The following DCC variants were observed in gnomAD, a reference collection of about 807,000 sequenced individuals.
DCC encodes netrin receptor DCC.
DCC carries 58 observed loss-of-function variants against 172.5 expected under a neutral mutation model. The observed-to-expected ratio is 0.34, with a 90% confidence interval of 0.27 to 0.42. The LOEUF (loss-of-function observed/expected upper bound fraction) is 0.42, where lower values mean the gene tolerates loss of function less well. Among genes scored for constraint, DCC ranks in the 10% least tolerant of loss-of-function variants. The probability of loss-of-function intolerance (pLI) is 1.00; values close to 1 mark genes in which losing one functional copy is unlikely to be tolerated. For synonymous variants in DCC, 709 were observed against 644.5 expected, an observed-to-expected ratio of 1.10 and a Z score of -1.52; for missense variants, 1,740 against 1,791.0, an observed-to-expected ratio of 0.97 and a Z score of 0.51.
At chr18:53,304,524 C>T (rs564043347) in intron 12 of DCC, among the ~76,000 whole-genome samples, 1 of 152,248 alleles carries the variant, frequency 6.6e-6, no homozygotes, top group East Asian at 1.9e-4. Flanking sequence ...TTGCCTACAT[C>T]CCTGTTCTCT....
chr18:53,181,887 G>A (rs576178903), intron 9 of DCC, among the ~76,000 whole-genome samples: 1 of 152,306 alleles, frequency 6.6e-6, no homozygotes, highest in South Asian at 2.1e-4. Context: ...CCCATGACCT[G>A]TGATGGCTGC....
Position 52,614,535 on chromosome 18 carries a change from C to T in DCC, c.92-137519C>T, listed in dbSNP as rs540289240. On this transcript the variant is annotated intron_variant, in intron 1 of 28. Transcript: ENST00000442544. ...GTGACAGTGTTGACGGCTACACCAA[C>T]GATTTGTCTAAGATACGCATTTTAT... 1.9e-3 allele frequency among the ~76,000 whole-genome samples: 287 copies of T among 152,236 alleles called. 1 individual carries two copies. The highest frequency in any genetic ancestry group is 6.6e-3 in the African/African-American group (274 of 41,530).
chr18:53,313,335 T>A (rs2057305434), intron 13 of DCC, among the ~76,000 whole-genome samples: 1 of 152,090 alleles, frequency 6.6e-6, no homozygotes. Flanking sequence ...AACCTCCGCG[T>A]CTCGGGTACA....
intron 1 of DCC, among the ~76,000 whole-genome samples, chr18:52,658,228 T>C (rs1256253918): frequency 6.6e-6 from 1 of 152,220 alleles, no homozygotes; most frequent in African/African-American, 2.4e-5. Flanking sequence ...ACACCAGTTA[T>C]ATGTTCAGCC....
At position 52,340,557 on chromosome 18, in the gene DCC, T is replaced by A; in HGVS notation, c.-231T>A. On this transcript the variant is annotated 5_prime_UTR_variant, in exon 1 of 29. Transcript: ENST00000442544. Reference sequence around the variant, plus strand: ...CGGGATCTCTTGGACCGAATGGAACTTTTTGCTGCCTGCTTTTGCTGCTGA... The same window carrying A: ...CGGGATCTCTTGGACCGAATGGAACATTTTGCTGCCTGCTTTTGCTGCTGA... The A allele has an allele frequency of 1.6e-6, 1 of 609,096 alleles. No homozygotes were observed. The highest frequency in any genetic ancestry group is 2.8e-5 in the East Asian group (1 of 35,684). The allele number at this position is 609,096 out of a possible 1,614,324, so 37.7% of individuals were successfully genotyped here. A position where few individuals can be genotyped will look rare whatever the true frequency, so the allele number is the denominator to read the frequency against.
chr18:53,399,352 A>G (rs1568107210), intron 18 of DCC, among the ~76,000 whole-genome samples: 1 of 152,136 alleles, frequency 6.6e-6, no homozygotes, highest in African/African-American at 2.4e-5. Context: ...TCACACAGCT[A>G]AGGAGAAGAT....
At chr18:53,049,673 T>C (rs1444648952) in intron 5 of DCC, among the ~76,000 whole-genome samples, 1 of 152,130 alleles carries the variant, frequency 6.6e-6, no homozygotes, top group Non-Finnish European at 1.5e-5. Flanking sequence ...TTAGGCTCTT[T>C]TTCTTTTTTG....
At chr18:52,963,363 T>C (rs1177632607) in intron 5 of DCC, among the ~76,000 whole-genome samples, 2 of 152,016 alleles carry the variant, frequency 1.3e-5, no homozygotes, top group South Asian at 2.1e-4. Flanking sequence ...TAAATTGATA[T>C]ATAAATATAT....
intron 12 of DCC, among the ~76,000 whole-genome samples, chr18:53,244,204 A>G (rs2056339319): frequency 6.6e-6 from 1 of 152,128 alleles, no homozygotes; most frequent in South Asian, 2.1e-4. Flanking sequence ...TCTTAATTTC[A>G]TTTTATAAAT....
intron 15 of DCC, among the ~76,000 whole-genome samples, chr18:53,347,389 C>T (rs934996360): frequency 6.6e-6 from 1 of 152,092 alleles, no homozygotes; most frequent in Non-Finnish European, 1.5e-5. Flanking sequence ...GAGCCAGTGG[C>T]TGTTATCAGT....
intron 9 of DCC, among the ~76,000 whole-genome samples, chr18:53,190,817 G>A (rs1199693866): frequency 6.6e-6 from 1 of 152,100 alleles, no homozygotes. Flanking sequence ...ATGGTGGCGG[G>A]CGCCTGTAGT....
At chr18:52,354,556 T>G (rs1984276161) in intron 1 of DCC, among the ~76,000 whole-genome samples, 1 of 152,188 alleles carries the variant, frequency 6.6e-6, no homozygotes, top group Non-Finnish European at 1.5e-5. Context: ...TGAATCAGGT[T>G]ATCTTTTGGA....
At chr18:53,262,648 A>G (rs1272356817) in intron 12 of DCC, among the ~76,000 whole-genome samples, 3 of 152,214 alleles carry the variant, frequency 2.0e-5, no homozygotes, top group Non-Finnish European at 4.4e-5. Flanking sequence ...AACACTGTTA[A>G]ATTCTGAAGG....
intron 2 of DCC, among the ~76,000 whole-genome samples, chr18:52,840,620 CA>C (rs1350488749): frequency 6.6e-6 from 1 of 152,174 alleles, no homozygotes; most frequent in Non-Finnish European, 1.5e-5. Flanking sequence ...CTAAAGTCAT[CA>C]TCAGATTGGT....
At position 52,817,328 on chromosome 18, in the gene DCC, C is replaced by A. The variant is rs542967016; in HGVS notation, c.412+64954C>A. Among the ~76,000 whole-genome samples, 5 of 151,964 alleles carry A rather than the reference C, an allele frequency of 3.3e-5. No homozygotes were observed. In the East Asian group the frequency reaches 9.7e-4, roughly 29 times the overall value. On this transcript the variant is annotated intron_variant, in intron 2 of 28. Coordinates refer to ENST00000442544, the MANE Select transcript of DCC (RefSeq NM_005215.4). ...ATTGATTATTTTGAGTTCTGCTTTTCTTCCTTTGCCTCAATAGCATCGAAA... is the reference window on the plus strand; with the variant it reads ...ATTGATTATTTTGAGTTCTGCTTTTATTCCTTTGCCTCAATAGCATCGAAA...
intron 1 of DCC, among the ~76,000 whole-genome samples, chr18:52,746,985 G>A (rs1599069794): frequency 6.6e-6 from 1 of 151,504 alleles, no homozygotes; most frequent in East Asian, 1.9e-4. Flanking sequence ...AGGAGGAGGA[G>A]GAGAAGGCCC....
At chr18:52,769,741 C>A (rs1158140755) in intron 2 of DCC, among the ~76,000 whole-genome samples, 1 of 152,096 alleles carries the variant, frequency 6.6e-6, no homozygotes, top group African/African-American at 2.4e-5. Flanking sequence ...ATCTGTGATT[C>A]ATTTTGAGTT....
intron 1 of DCC, chr18:52,409,012 A>G (rs1437790253): frequency 6.6e-6 from 1 of 152,054 alleles, no homozygotes; most frequent in Non-Finnish European, 1.5e-5. Flanking sequence ...CTTGGGATAT[A>G]CCCCTACAGA....
At chr18:52,488,965 CTT>C (rs778596241) in intron 1 of DCC, among the ~76,000 whole-genome samples, 3 of 152,072 alleles carry the variant, frequency 2.0e-5, no homozygotes, top group Non-Finnish European at 4.4e-5. Context: ...CCCTTCTTCT[CTT>C]CACTCTTTTT....
Sources: allele counts gnomAD v4.1 joint callset (sites outside exome capture counted in the v4.1 genomes callset), GRCh38; gene constraint gnomAD v4.1.1; transcripts MANE v1.5; gene names NCBI Gene and HGNC (gene_info 2026-07-23, HGNC 2026-07-21).